The following SLC4A7 variants were observed in gnomAD, a reference collection of about 807,000 sequenced individuals.
SLC4A7 encodes the protein solute carrier family 4 member 7.
A neutral mutation model predicts 137.6 loss-of-function variants in SLC4A7; 51 were observed. The ratio of observed to expected loss-of-function variants is 0.37; its 90% confidence interval spans 0.30 to 0.47. The LOEUF (loss-of-function observed/expected upper bound fraction) is 0.47. Ranked by LOEUF, SLC4A7 falls within the 20% of genes least tolerant of loss-of-function variation. The pLI, the probability that SLC4A7 is intolerant of heterozygous loss-of-function variation, is 1.00. For missense variants in SLC4A7, 1,247 were observed against 1,525.4 expected (o/e 0.82, Z 3.04); for synonymous variants, 542 against 518.6 (o/e 1.05, Z -0.61).
intron 2 of SLC4A7, among the ~76,000 whole-genome samples, chr3:27,451,886 C>T (rs1351531767): frequency 6.6e-6 from 1 of 152,126 alleles, no homozygotes; most frequent in Non-Finnish European, 1.5e-5. Context: ...TATGTGCTGT[C>T]TTTGCAGCTA....
At chr3:27,453,543 G>A (rs1357637107) in intron 1 of SLC4A7, among the ~76,000 whole-genome samples, 1 of 152,218 alleles carries the variant, frequency 6.6e-6, no homozygotes, top group Non-Finnish European at 1.5e-5. Context: ...AACCCGGGAG[G>A]CAGAGGTATT....
chr3:27,466,279 G>C (rs1368092701), intron 1 of SLC4A7, among the ~76,000 whole-genome samples: 3 of 151,042 alleles, frequency 2.0e-5, no homozygotes, highest in Non-Finnish European at 4.4e-5. Flanking sequence ...GTGAAACCCC[G>C]TCTCTACTAA....
At chr3:27,401,074 T>C (rs1431778002) in intron 15 of SLC4A7, 1 of 399,042 alleles carries the variant, frequency 2.5e-6, no homozygotes, top group Non-Finnish European at 4.5e-6. Context: ...AATACAAATA[T>C]CAAAACGTTT....
At chr3:27,476,782 A>G (rs1021998355) in intron 1 of SLC4A7, among the ~76,000 whole-genome samples, 6 of 152,202 alleles carry the variant, frequency 3.9e-5, no homozygotes, top group African/African-American at 1.4e-4. Context: ...TACAGCCTGC[A>G]GAACTGTGAG....
At chr3:27,455,865 A>C (rs970215496) in intron 1 of SLC4A7, among the ~76,000 whole-genome samples, 133 of 152,258 alleles carry the variant, frequency 8.7e-4, no homozygotes, top group African/African-American at 2.6e-3. Context: ...TCAAAAAAAA[A>C]CACAAAAAAC....
intron 11 of SLC4A7, among the ~76,000 whole-genome samples, chr3:27,414,755 G>C (rs2054225115): frequency 6.6e-6 from 1 of 152,152 alleles, no homozygotes; most frequent in Non-Finnish European, 1.5e-5. Flanking sequence ...TCTCCATCAA[G>C]TTGTGTTCTG....
chr3:27,426,504 C>T (rs1400973471), intron 7 of SLC4A7, among the ~76,000 whole-genome samples: 3 of 152,114 alleles, frequency 2.0e-5, no homozygotes, highest in East Asian at 3.8e-4. Flanking sequence ...AAATGTATTC[C>T]ACCTGTGTAT....
intron 1 of SLC4A7, chr3:27,456,666 C>T: frequency 6.2e-7 from 1 of 1,608,474 alleles, no homozygotes; most frequent in African/African-American, 1.3e-5. Flanking sequence ...ACTTCTTCTC[C>T]AGACGAAATC....
intron 1 of SLC4A7, among the ~76,000 whole-genome samples, chr3:27,468,556 G>A (rs1165562624): frequency 1.3e-5 from 2 of 152,094 alleles, no homozygotes; most frequent in East Asian, 3.9e-4. Flanking sequence ...ACTCCAGCCT[G>A]GGCAACATGG....
chr3:27,433,797 A>G (rs2056511813), intron 6 of SLC4A7, 119 bp downstream of exon 6: 2 of 768,132 alleles, frequency 2.6e-6, no homozygotes, highest in Admixed American at 5.3e-5. Context: ...CAGGAAGGAG[A>G]AGTAATTCAG....
intron 3 of SLC4A7, among the ~76,000 whole-genome samples, chr3:27,438,385 A>G (rs1174374818): frequency 2.0e-5 from 3 of 151,422 alleles, no homozygotes; most frequent in African/African-American, 7.3e-5. Flanking sequence ...GACACCTGTA[A>G]TCCCAGCTAC....
At chr3:27,482,875 C>T (rs1043231459) in intron 1 of SLC4A7, among the ~76,000 whole-genome samples, 118 of 152,342 alleles carry the variant, frequency 7.7e-4, no homozygotes, top group African/African-American at 2.3e-3. Context: ...AATGACTTCA[C>T]TGTCTGGTGA....
chr3:27,391,899 T>C (rs776676528), intron 20 of SLC4A7, 91 bp from the exon 21 acceptor site: 6 of 744,904 alleles, frequency 8.1e-6, no homozygotes, highest in Non-Finnish European at 1.1e-5. Context: ...AATTAAAAGA[T>C]TTTTCAATCA....
intron 3 of SLC4A7, among the ~76,000 whole-genome samples, chr3:27,438,990 T>C (rs1020148655): frequency 6.6e-6 from 1 of 152,176 alleles, no homozygotes; most frequent in African/African-American, 2.4e-5. Flanking sequence ...TGAATTAGCA[T>C]AAATACTAGT....
intron 22 of SLC4A7, among the ~76,000 whole-genome samples, chr3:27,386,860 CA>C (rs5847460): frequency 0.21 from 32,410 of 151,960 alleles, 3,526 homozygotes; most frequent in Non-Finnish European, 0.25. Context: ...ATACTGAATT[CA>C]ATTTTGATTT....
chr3:27,431,816 G>T, intron 6 of SLC4A7, 147 bp from the exon 7 acceptor site: 1 of 721,284 alleles, frequency 1.4e-6, no homozygotes, highest in Non-Finnish European at 2.0e-6. Flanking sequence ...ATGTCAATCG[G>T]GTTTTTACAT....
At chr3:27,440,658 G>A (rs1180344951) in intron 3 of SLC4A7, among the ~76,000 whole-genome samples, 1 of 152,000 alleles carries the variant, frequency 6.6e-6, no homozygotes, top group Non-Finnish European at 1.5e-5. Context: ...AACCCAGGAG[G>A]CAAAGGCTAC....
intron 7 of SLC4A7, among the ~76,000 whole-genome samples, chr3:27,424,766 G>A (rs1463149259): frequency 1.3e-5 from 2 of 152,124 alleles, no homozygotes; most frequent in Non-Finnish European, 2.9e-5. Context: ...CAATGAAATT[G>A]GCAGAGTAAG....
intron 1 of SLC4A7, among the ~76,000 whole-genome samples, chr3:27,454,942 C>A (rs1209022131): frequency 6.6e-6 from 1 of 151,746 alleles, no homozygotes; most frequent in Admixed American, 6.6e-5. Flanking sequence ...ATTTAAAATA[C>A]ACATACCCTT....
Sources: allele counts gnomAD v4.1 joint callset (sites outside exome capture counted in the v4.1 genomes callset), GRCh38; gene constraint gnomAD v4.1.1; transcripts MANE v1.5; gene names NCBI Gene and HGNC (gene_info 2026-07-23, HGNC 2026-07-21).